RBM39: variants seen among roughly 807,000 people sequenced by gnomAD.
RBM39 encodes the protein RNA-binding protein 39.
RBM39 carries 12 observed loss-of-function variants against 79.6 expected under a neutral mutation model. That is an observed-to-expected ratio of 0.15 (90% CI 0.10 to 0.24). The LOEUF (loss-of-function observed/expected upper bound fraction) is 0.24, where lower values mean the gene tolerates loss of function less well. Among genes scored for constraint, RBM39 ranks in the 10% least tolerant of loss-of-function variants. RBM39 has a pLI of 1.00. For synonymous variants in RBM39, 185 were observed against 208.4 expected (o/e 0.89, Z 0.97); for missense variants, 243 against 653.4 (o/e 0.37, Z 6.85).
At chr20:35,727,164 G>A (rs911971913) in intron 6 of RBM39, among the ~76,000 whole-genome samples, 2 of 149,884 alleles carry the variant, frequency 1.3e-5, no homozygotes, top group East Asian at 1.9e-4. Flanking sequence ...TGAGCAACAT[G>A]GCAAAACCTT....
chr20:35,731,258 G>C (rs1040155162), intron 4 of RBM39: 4 of 152,186 alleles, frequency 2.6e-5, no homozygotes, highest in Non-Finnish European at 5.9e-5. Context: ...GCAATCCTTA[G>C]AATTGTAGGT....
At chr20:35,735,102 T>C (rs2039769833) in intron 3 of RBM39, 1 of 1,522,372 alleles carries the variant, frequency 6.6e-7, no homozygotes. Context: ...AGAAAAAAAA[T>C]AGAAAAGTCA....
At chr20:35,710,586 A>C (rs1426222426) in intron 12 of RBM39, 7 of 152,228 alleles carry the variant, frequency 4.6e-5, no homozygotes, top group Non-Finnish European at 1.0e-4. Context: ...AGGGCCTATC[A>C]AACTGGCAGA....
At chr20:35,719,295 G>C (rs1323270531) in intron 9 of RBM39, among the ~76,000 whole-genome samples, 1 of 151,312 alleles carries the variant, frequency 6.6e-6, no homozygotes, top group African/African-American at 2.4e-5. Flanking sequence ...GCCCCCAAAA[G>C]TGCAGGGATC....
intron 6 of RBM39, among the ~76,000 whole-genome samples, chr20:35,727,051 T>A (rs928000175): frequency 6.6e-6 from 1 of 151,964 alleles, no homozygotes; most frequent in Non-Finnish European, 1.5e-5. Flanking sequence ...GGTCTCGATA[T>A]CCTGACCTTA....
chr20:35,738,101 A>C (rs1180166208), intron 3 of RBM39, among the ~76,000 whole-genome samples: 2 of 151,766 alleles, frequency 1.3e-5, no homozygotes, highest in African/African-American at 2.4e-5. Context: ...GGTTGCAGTG[A>C]GCCGTGATAG....
At position 35,716,885 on chromosome 20, in the gene RBM39, ATCTACCAGTC is replaced by A. The variant is rs917443489; in HGVS notation, c.826-90_826-81del. The A allele has an allele frequency of 1.8e-5, 17 of 924,408 alleles. No individual in the cohort carries two copies. In the African/African-American group the frequency reaches 2.7e-4, roughly 15 times the overall value. 57.3% of individuals were successfully genotyped at this position (924,408 alleles called of 1,614,324 possible). ...TCTTCCCTGAGACATGGTTTTAAAA[ATCTACCAGTC>A]TCCTCATCCTCCAAAATAGAAGACT... is the stretch of plus-strand genomic sequence containing the variant. On this transcript the variant is annotated intron_variant, in intron 9 of 16. Coordinates refer to ENST00000253363, the MANE Select transcript of RBM39 (RefSeq NM_184234.3).
At chr20:35,735,793 A>G (rs760786844) in intron 3 of RBM39, among the ~76,000 whole-genome samples, 4 of 152,226 alleles carry the variant, frequency 2.6e-5, no homozygotes, top group Admixed American at 1.3e-4. Context: ...TAAGATTACC[A>G]AAGTGTTTTG....
At chr20:35,741,051 T>TTTTTTTTTTTTTTTTTG (rs367902878) in intron 1 of RBM39, among the ~76,000 whole-genome samples, 164 bp from the exon 2 acceptor site, 1 of 133,680 alleles carries the variant, frequency 7.5e-6, no homozygotes, top group Non-Finnish European at 1.6e-5. Flanking sequence ...TTTTTTTTTT[T>TTTTTTTTTTTTTTTTTG]GAGACGGAGT....
intron 3 of RBM39, 131 bp downstream of exon 3, chr20:35,738,837 C>CT (rs2040247349): frequency 2.5e-6 from 2 of 812,354 alleles, no homozygotes; most frequent in African/African-American, 1.8e-5. Context: ...GGCAAAGAAC[C>CT]AATTTTCTAA....
rs775039057 is a variant in RBM39 at position 35,740,802 on chromosome 20, T to G, written c.51+22A>C. 9 of 1,598,792 alleles carry G rather than the reference T, an allele frequency of 5.6e-6. No individual in the cohort carries two copies. In the South Asian group the frequency reaches 1.0e-4, roughly 18 times the overall value. Reference sequence around the variant, plus strand: ...TGCTAAATTAAGAAATATATAAACCTCACCGACATGTTTTTTCTCACCTTC... The same window carrying G: ...TGCTAAATTAAGAAATATATAAACCGCACCGACATGTTTTTTCTCACCTTC... On this transcript the variant is annotated intron_variant, in intron 2 of 16. Coordinates refer to ENST00000253363, the MANE Select transcript of RBM39 (RefSeq NM_184234.3).
chr20:35,709,546 A>G (rs191608874), intron 12 of RBM39, among the ~76,000 whole-genome samples: 149 of 152,238 alleles, frequency 9.8e-4, no homozygotes, highest in African/African-American at 3.5e-3. Flanking sequence ...TACAGCTGGG[A>G]ATAATGGGAA....
intron 13 of RBM39, 25 bp from the exon 14 acceptor site, chr20:35,707,226 G>A (rs1293913197): frequency 3.9e-5 from 61 of 1,549,768 alleles, no homozygotes; most frequent in Non-Finnish European, 5.2e-5. Flanking sequence ...AGAAAAATTA[G>A]TTTCATGGAA....
intron 3 of RBM39, chr20:35,734,173 T>C (rs2039670253): frequency 4.6e-6 from 6 of 1,293,286 alleles, no homozygotes; most frequent in African/African-American, 3.1e-5. Context: ...AAATAGAAAA[T>C]GAAGACACCC....
chr20:35,731,891 A>C, intron 4 of RBM39, 50 bp downstream of exon 4: 1 of 1,514,006 alleles, frequency 6.6e-7, no homozygotes, highest in Non-Finnish European at 9.1e-7. Context: ...CTGCCATCTG[A>C]ATACCCAGAG....
At chr20:35,720,593 A>T (rs1002281822) in intron 9 of RBM39, among the ~76,000 whole-genome samples, 7 of 151,062 alleles carry the variant, frequency 4.6e-5, no homozygotes, top group Admixed American at 2.0e-4. Flanking sequence ...AACATGGTAA[A>T]GCCCTGTCTC....
At chr20:35,715,064 TAGCAACA>T (rs2036938370) in intron 10 of RBM39, among the ~76,000 whole-genome samples, 1 of 152,184 alleles carries the variant, frequency 6.6e-6, no homozygotes, top group Non-Finnish European at 1.5e-5. Flanking sequence ...GCTATCAACA[TAGCAACA>T]GGCTTACATT....
chr20:35,723,483 G>A (rs758326986), intron 8 of RBM39, among the ~76,000 whole-genome samples: 7 of 152,158 alleles, frequency 4.6e-5, no homozygotes, highest in Non-Finnish European at 7.4e-5. Context: ...TTGTCGCCCA[G>A]GCTGCAGTGC....
chr20:35,732,685 T>G (rs900240046), intron 3 of RBM39: 2 of 153,550 alleles, frequency 1.3e-5, no homozygotes, highest in African/African-American at 4.8e-5. Flanking sequence ...CTCCTGAGAG[T>G]TAGCTATAGC....
Sources: gnomAD v4.1 joint callset for allele counts (sites outside exome capture counted in the v4.1 genomes callset) on GRCh38, gnomAD v4.1.1 for gene constraint, MANE v1.5 for transcripts, NCBI Gene and HGNC (gene_info 2026-07-23, HGNC 2026-07-21) for gene names.